The following CELF2 variants were observed in gnomAD, a reference collection of about 807,000 sequenced individuals.
CELF2 encodes CUG triplet repeat RNA-binding protein 2.
A neutral mutation model predicts 62.6 loss-of-function variants in CELF2; 8 were observed. The ratio of observed to expected loss-of-function variants is 0.13; its 90% CI spans 0.07 to 0.23. CELF2 has a LOEUF of 0.23. CELF2 is among the 10% of genes least tolerant of loss of function. The pLI is 1.00. For synonymous variants in CELF2, 258 were observed against 250.0 expected (o/e 1.03, Z -0.30); for missense variants, 333 against 671.0 (o/e 0.50, Z 5.56).
At chr10:11,228,479 G>A (rs1290091108) in intron 3 of CELF2, among the ~76,000 whole-genome samples, 3 of 152,078 alleles carry the variant, frequency 2.0e-5, no homozygotes, top group Non-Finnish European at 2.9e-5. Context: ...TCTTTTATGG[G>A]TAATAATCTA....
intron 1 of CELF2, among the ~76,000 whole-genome samples, chr10:10,812,398 A>G (rs963835476): frequency 2.0e-5 from 3 of 152,212 alleles, no homozygotes; most frequent in Non-Finnish European, 4.4e-5. Context: ...GCTACAATTG[A>G]AGATGAGATT....
chr10:10,979,524 AG>A (rs1280688675), intron 2 of CELF2, among the ~76,000 whole-genome samples: 5 of 152,034 alleles, frequency 3.3e-5, no homozygotes, highest in Admixed American at 2.0e-4. Flanking sequence ...TATAAAAATT[AG>A]CCGGGCATGG....
intron 1 of CELF2, among the ~76,000 whole-genome samples, chr10:10,912,769 T>C (rs960997560): frequency 9.2e-5 from 14 of 152,202 alleles, no homozygotes; most frequent in Admixed American, 6.5e-4. Flanking sequence ...TTACGCATAC[T>C]CCCCTGTTGT....
At chr10:11,218,057 C>G (rs894356618) in intron 3 of CELF2, among the ~76,000 whole-genome samples, 2 of 152,122 alleles carry the variant, frequency 1.3e-5, no homozygotes, top group Non-Finnish European at 2.9e-5. Context: ...CAATTTTTTT[C>G]TCCGTTTCCT....
At chr10:11,292,760 C>T (rs781280894) in intron 9 of CELF2, among the ~76,000 whole-genome samples, 1 of 152,192 alleles carries the variant, frequency 6.6e-6, no homozygotes, top group South Asian at 2.1e-4. Context: ...CTGCCCTTCC[C>T]GCTGCCTGCC....
rs759834369 is a variant in CELF2, at chr10:11,211,549, GTTATCT to G, written c.272-5871_272-5866del. Among the ~76,000 whole-genome samples the G allele has an allele frequency of 6.6e-6, 1 of 152,024 alleles. No homozygotes were observed. The highest frequency in any genetic ancestry group is 1.5e-5 in the Non-Finnish European group (1 of 68,012). ...TCACAGCAAACCGTGATATAAACTG[GTTATCT>G]TTATATATCAGTACATTTTTTTTTC... is the stretch of plus-strand genomic sequence containing the variant. On this transcript the variant is annotated intron_variant, in intron 2 of 12. Coordinates refer to ENST00000633077, the MANE Select transcript of CELF2 (RefSeq NM_001326342.2). The surrounding 1 kb of genome is among the most constrained non-coding windows in gnomAD (Gnocchi z 4.8).
intron 1 of CELF2, among the ~76,000 whole-genome samples, chr10:10,884,958 G>A (rs1451509799): frequency 6.6e-6 from 1 of 152,138 alleles, no homozygotes; most frequent in Non-Finnish European, 1.5e-5. Flanking sequence ...TTAAATGATA[G>A]GGTATCTGGG....
In CELF2 at chr10:11,223,908, A is replaced by G. The variant is rs1015593563; in HGVS notation, c.354+6401A>G. The stretch of plus-strand genomic sequence containing the variant: ...AATAAAAGGCCATTACAAATTGTCT[A>G]TTTCACCCGCCATAAAGTTTTACAC... On this transcript the variant is annotated intron_variant, in intron 3 of 12. Coordinates refer to ENST00000633077, the MANE Select transcript of CELF2 (RefSeq NM_001326342.2). This position sits in a 1 kb window ranked among gnomAD's most constrained non-coding sequence, Gnocchi z 5.1. 4.6e-5 allele frequency among the ~76,000 whole-genome samples: 7 copies of G among 151,740 alleles called. No individual in the cohort carries two copies. Among genetic ancestry groups the G allele is most frequent in the Non-Finnish European group, 1.0e-4 (7 of 67,942 alleles).
the CELF2 span, among the ~76,000 whole-genome samples, chr10:10,585,120 A>G: frequency 6.6e-6 from 1 of 152,186 alleles, no homozygotes; most frequent in African/African-American, 2.4e-5. Context: ...GAATGGCTGG[A>G]AGCAAATGAA....
In CELF2 at chr10:11,062,155, A is replaced by G. The variant is rs201898609; in HGVS notation, c.74+43992A>G. Among the ~76,000 whole-genome samples the G allele has an allele frequency of 1.4e-3, 177 of 125,146 alleles. 3 individuals are homozygous for G. In the Middle Eastern group the frequency reaches 0.03, roughly 21 times the overall value. 82.1% of individuals were successfully genotyped at this position (125,146 alleles called of 152,430 possible). A position where few individuals can be genotyped will look rare whatever the true frequency, so the allele number is the denominator to read the frequency against. On this transcript the variant is annotated intron_variant, in intron 1 of 12. Transcript: ENST00000633077. ...GTTGAGACCTACTGCTCAGGGGGGG[A>G]AAAAAAAATTCCTTTCCAGATATTA...
At chr10:11,014,907 C>T, upstream of CELF2, among the ~76,000 whole-genome samples, 1 of 152,174 alleles carries the variant, frequency 6.6e-6, no homozygotes, top group East Asian at 1.9e-4. Context: ...GGTTTTTCCA[C>T]AATGCAGCTA....
rs546889727 is a variant in CELF2, at chr10:11,302,309, C to T, written c.977-11830C>T. ...CACCGCATCGGATAGTCCTGACACA[C>T]GTGGTTCTCTAATGTTTGCATGCAA... On this transcript the variant is annotated intron_variant, in intron 9 of 12. Coordinates refer to ENST00000633077, the MANE Select transcript of CELF2 (RefSeq NM_001326342.2). The surrounding 1 kb of genome is among the most constrained non-coding windows in gnomAD (Gnocchi z 5.0). Among the ~76,000 whole-genome samples, 7 of 152,198 alleles carry T rather than the reference C, an allele frequency of 4.6e-5. No homozygotes were observed. Among genetic ancestry groups the T allele is most frequent in the East Asian group, 1.9e-4 (1 of 5,194 alleles).
intron 1 of CELF2, among the ~76,000 whole-genome samples, chr10:10,901,885 A>T (rs535747812): frequency 1.3e-5 from 2 of 152,344 alleles, no homozygotes; most frequent in African/African-American, 4.8e-5. Context: ...AACAATAAGA[A>T]AAGAAGCAAC....
chr10:10,542,781 G>C, the CELF2 span, among the ~76,000 whole-genome samples: 3 of 152,206 alleles, frequency 2.0e-5, no homozygotes, highest in Non-Finnish European at 4.4e-5. Flanking sequence ...GTTATGATTT[G>C]ACTTCCTGGA....
At chr10:11,250,445 T>A (rs773259847) in intron 4 of CELF2, among the ~76,000 whole-genome samples, 4 of 152,246 alleles carry the variant, frequency 2.6e-5, no homozygotes, top group Admixed American at 6.5e-5. Flanking sequence ...TTCGTTTTTT[T>A]CTCTACTGCT....
chr10:10,991,637 G>T (rs56224189), intron 2 of CELF2, among the ~76,000 whole-genome samples: 2,683 of 152,134 alleles, frequency 0.018, 33 homozygotes, highest in Non-Finnish European at 0.026. Context: ...ATTTTTTTTG[G>T]AGGAGTTTGA....
chr10:10,493,437 A>G, the CELF2 span, among the ~76,000 whole-genome samples: 6 of 152,092 alleles, frequency 3.9e-5, no homozygotes, highest in East Asian at 1.9e-4. Flanking sequence ...GGTAAATTTT[A>G]TATATACTTT....
At position 11,306,830 on chromosome 10, in the gene CELF2, T is replaced by C. The variant is rs1251543375; in HGVS notation, c.977-7309T>C. ...AAGTGAGAAATTATGTCCAGTTCACTATAGCCAGCCTCCCAGTTTTTAAAT... is the reference window on the plus strand; with the variant it reads ...AAGTGAGAAATTATGTCCAGTTCACCATAGCCAGCCTCCCAGTTTTTAAAT... On this transcript the variant is annotated intron_variant, in intron 9 of 12. Transcript: ENST00000633077. This position sits in a 1 kb window ranked among gnomAD's most constrained non-coding sequence, Gnocchi z 4.4. Among the ~76,000 whole-genome samples, 1 of 152,206 alleles carries C rather than the reference T, an allele frequency of 6.6e-6. No homozygotes were observed. Among genetic ancestry groups the C allele is most frequent in the African/African-American group, 2.4e-5 (1 of 41,446 alleles).
intron 2 of CELF2, chr10:11,171,512 G>A (rs891921491): frequency 1.3e-5 from 2 of 152,736 alleles, no homozygotes; most frequent in African/African-American, 4.8e-5. Context: ...AGACCAGACT[G>A]CTGGGGAATG....
Sources: gnomAD v4.1 joint callset for allele counts (sites outside exome capture counted in the v4.1 genomes callset) on GRCh38, gnomAD v4.1.1 for gene constraint, Gnocchi (gnomAD v3.1) non-coding constraint, MANE v1.5 for transcripts, NCBI Gene and HGNC (gene_info 2026-07-23, HGNC 2026-07-21) for gene names.